The following HIRA variants were observed in gnomAD, a reference collection of about 807,000 sequenced individuals.
HIRA encodes the protein histone cell cycle regulator.
In HIRA, 13 loss-of-function variants were observed where a neutral mutation model predicts 126.6. The observed-to-expected ratio is 0.10, with a 90% CI of 0.07 to 0.16. The LOEUF (loss-of-function observed/expected upper bound fraction) is 0.16, where lower values mean the gene tolerates loss of function less well. HIRA is among the 10% of genes least tolerant of loss of function. The pLI, the probability that HIRA is intolerant of heterozygous loss-of-function variation, is 1.00. For synonymous variants in HIRA, 511 were observed against 520.0 expected (o/e 0.98, Z 0.24); for missense variants, 834 against 1,314.4 (o/e 0.63, Z 5.65).
At chr22:19,353,583 C>T (rs552021434) in intron 22 of HIRA, 64 bp from the exon 23 acceptor site, 303 of 1,478,972 alleles carry the variant, frequency 2.0e-4, no homozygotes, top group Non-Finnish European at 2.6e-4. Flanking sequence ...AGGAACTGCC[C>T]CCGTGTGCAA....
chr22:19,392,391 G>A (rs544417337), intron 8 of HIRA, among the ~76,000 whole-genome samples, 177 bp from the exon 9 acceptor site: 4 of 152,238 alleles, frequency 2.6e-5, no homozygotes, highest in Non-Finnish European at 4.4e-5. Context: ...TGGAAAGGAA[G>A]CTTAGGGAGG....
chr22:19,415,049 G>C (rs901719859), intron 1 of HIRA, among the ~76,000 whole-genome samples: 2 of 152,046 alleles, frequency 1.3e-5, no homozygotes, highest in African/African-American at 4.8e-5. Flanking sequence ...AAGTTCAAGC[G>C]ATTCTCCTGC....
intron 14 of HIRA, 106 bp from the exon 15 acceptor site, chr22:19,375,898 C>G: frequency 8.6e-7 from 1 of 1,163,636 alleles, no homozygotes; most frequent in Non-Finnish European, 1.2e-6. Flanking sequence ...AAATATCAAA[C>G]TTCCATAAAC....
At chr22:19,361,696 AAAG>A (rs764179817) in intron 16 of HIRA, 28 bp downstream of exon 16, 4 of 1,603,258 alleles carry the variant, frequency 2.5e-6, no homozygotes, top group Non-Finnish European at 3.4e-6. Flanking sequence ...AAGGTGGGCT[AAAG>A]AAGGCAGGAT....
At position 19,331,060 on chromosome 22, in the gene HIRA, C is replaced by T. The variant is rs2088478891; in HGVS notation, c.*380G>A. On this transcript the variant is annotated 3_prime_UTR_variant, in exon 25 of 25. Coordinates refer to ENST00000263208, the MANE Select transcript of HIRA (RefSeq NM_003325.4). ...AATACCTAACGCTTCCGGATTCTCT[C>T]TCACAAATGGCTCAATCGTCACTGC... 7 of 1,039,310 alleles carry T rather than the reference C, an allele frequency of 6.7e-6. No individual in the cohort carries two copies. The highest frequency in any genetic ancestry group is 7.5e-6 in the Non-Finnish European group (6 of 802,002). 64.4% of individuals were successfully genotyped at this position (1,039,310 alleles called of 1,614,324 possible).
At chr22:19,404,665 G>A (rs576934530) in intron 5 of HIRA, among the ~76,000 whole-genome samples, 23 of 151,906 alleles carry the variant, frequency 1.5e-4, no homozygotes, top group Non-Finnish European at 2.8e-4. Flanking sequence ...CCCTGTCCTC[G>A]CCCAGAGCTC....
At chr22:19,369,552 AG>A (rs2088945881) in intron 15 of HIRA, among the ~76,000 whole-genome samples, 1 of 152,130 alleles carries the variant, frequency 6.6e-6, no homozygotes. Context: ...TCCCTCTCTG[AG>A]GAAGTGGGGG....
At position 19,409,447 on chromosome 22, in the gene HIRA, C is replaced by A. The variant is rs931006913; in HGVS notation, c.101-854G>T. 2.6e-5 allele frequency among the ~76,000 whole-genome samples: 4 copies of A among 152,066 alleles called. No individual in the cohort carries two copies. The South Asian group carries it at 8.3e-4, about 31-fold the overall frequency. On this transcript the variant is annotated intron_variant, in intron 2 of 24. Transcript: ENST00000263208. ...TACAGGCGAACACCATGACACCTAG[C>A]TAATTTTTGTATTTTTAGTAGAGAC...
chr22:19,431,365 G>A (rs2089537330), intron 1 of HIRA, 75 bp downstream of exon 1: 1 of 1,516,292 alleles, frequency 6.6e-7, no homozygotes, highest in African/African-American at 1.4e-5. Flanking sequence ...GGCAGGACTT[G>A]CGCGCGCCCC....
chr22:19,331,164 C>T lies in HIRA; in HGVS notation c.*276G>A. On this transcript the variant is annotated 3_prime_UTR_variant, in exon 25 of 25. Transcript: ENST00000263208. Reference sequence around the variant, plus strand: ...GCTGGAGACGGCAGGCCTGGGACTGCCTTGCTGGCCCCAGGGCACCTGGGC... The same window carrying T: ...GCTGGAGACGGCAGGCCTGGGACTGTCTTGCTGGCCCCAGGGCACCTGGGC... 1 of 1,374,542 alleles carries T rather than the reference C, an allele frequency of 7.3e-7. No individual in the cohort carries two copies. The highest frequency in any genetic ancestry group is 1.2e-5 in the South Asian group (1 of 81,170). 85.1% of individuals were successfully genotyped at this position (1,374,542 alleles called of 1,614,324 possible). A position where few individuals can be genotyped will look rare whatever the true frequency, so the allele number is the denominator to read the frequency against.
At chr22:19,426,050 A>G (rs2089485921) in intron 1 of HIRA, among the ~76,000 whole-genome samples, 1 of 152,110 alleles carries the variant, frequency 6.6e-6, no homozygotes, top group Non-Finnish European at 1.5e-5. Flanking sequence ...GTAAATAAAT[A>G]CATTCAGAGT....
chr22:19,371,097 C>G (rs761545099), intron 15 of HIRA, among the ~76,000 whole-genome samples: 1 of 152,234 alleles, frequency 6.6e-6, no homozygotes, highest in African/African-American at 2.4e-5. Context: ...GCAGGACTGT[C>G]TGTGGCACAC....
intron 1 of HIRA, among the ~76,000 whole-genome samples, chr22:19,412,555 T>C (rs2089362587): frequency 6.6e-6 from 1 of 152,224 alleles, no homozygotes; most frequent in African/African-American, 2.4e-5. Context: ...GCTTTGGTCT[T>C]GACGGGCAAT....
intron 24 of HIRA, among the ~76,000 whole-genome samples, chr22:19,333,097 G>A (rs1460085021): frequency 1.3e-5 from 2 of 152,018 alleles, no homozygotes; most frequent in Non-Finnish European, 2.9e-5. Flanking sequence ...TTAGTAGAGC[G>A]GGGTTTCACC....
intron 7 of HIRA, among the ~76,000 whole-genome samples, chr22:19,396,225 A>G (rs1348414029): frequency 1.3e-5 from 2 of 152,216 alleles, no homozygotes; most frequent in Admixed American, 6.5e-5. Flanking sequence ...CTTTAAACCT[A>G]TAAATCCGGG....
rs151004588 is a variant in HIRA at position 19,353,359 on chromosome 22, C to T, written c.2845G>A (p.Glu949Lys). ...LLVYARYLVN[E>K]GFEYRLREIC... Reference sequence around the variant, plus strand: ...TCAGGGCTGCCAGGAGCCTCACCTTCGTTTACGAGGTACCGTGCGTAGACG... The same window carrying T: ...TCAGGGCTGCCAGGAGCCTCACCTTTGTTTACGAGGTACCGTGCGTAGACG... The change falls in exon 23 of 25, where the codon GAA (glutamate) becomes AAA (lysine). Residue 949 changes from glutamate (E) to lysine (K), a missense_variant. By Grantham distance (56) the Glu-to-Lys change is moderately conservative (BLOSUM62 1). Coordinates refer to ENST00000263208, the MANE Select transcript of HIRA (RefSeq NM_003325.4). The T allele has an allele frequency of 2.5e-5, 40 of 1,612,650 alleles. No homozygotes were observed. The highest frequency in any genetic ancestry group is 3.3e-5 in the Non-Finnish European group (39 of 1,180,008).
In HIRA at chr22:19,394,416, C is replaced by A. The variant is rs2146228045; in HGVS notation, c.748G>T (p.Ala250Ser). 1 of 1,614,104 alleles carries A rather than the reference C, an allele frequency of 6.2e-7. No homozygotes were observed. The highest frequency in any genetic ancestry group is 1.1e-5 in the South Asian group (1 of 91,078). ...AHAMNNSGPT[A>S]QIIEREGWKT... ...CATCCCTCCCGTTCGATGATCTGGG[C>A]AGTGGGGCCTGAGTTGTTCATGGCA... The change falls in exon 8 of 25, where the codon GCC becomes TCC. Residue 250 changes from alanine (A) to serine (S), a missense_variant. Coordinates refer to ENST00000263208, the MANE Select transcript of HIRA (RefSeq NM_003325.4).
intron 24 of HIRA, among the ~76,000 whole-genome samples, chr22:19,346,538 C>T (rs772081360): frequency 2.0e-5 from 3 of 152,234 alleles, no homozygotes; most frequent in East Asian, 3.9e-4. Flanking sequence ...GCTATGTCTA[C>T]GTCTGCTCTA....
intron 14 of HIRA, among the ~76,000 whole-genome samples, chr22:19,377,182 C>T (rs1262795043): frequency 2.0e-5 from 3 of 152,204 alleles, no homozygotes; most frequent in Non-Finnish European, 4.4e-5. Context: ...CTAGCCATTT[C>T]TATCCAGGGG....
Sources: allele counts gnomAD v4.1 joint callset (sites outside exome capture counted in the v4.1 genomes callset), GRCh38; gene constraint gnomAD v4.1.1; transcripts MANE v1.5; gene names NCBI Gene and HGNC (gene_info 2026-07-23, HGNC 2026-07-21).